NAV3: variants seen among roughly 807,000 people sequenced by gnomAD.
NAV3 encodes the protein pore membrane and/or filament interacting like protein 1.
In NAV3, 87 loss-of-function variants were observed where a neutral mutation model predicts 244.7. The ratio of observed to expected loss-of-function variants is 0.36; its 90% CI spans 0.30 to 0.42. NAV3 has a LOEUF of 0.42. Ranked by LOEUF, NAV3 falls within the 20% of genes least tolerant of loss-of-function variation. NAV3 has a pLI of 1.00. For missense variants in NAV3, 2,663 were observed against 2,893.3 expected (o/e 0.92, Z 1.83); for synonymous variants, 1,126 against 1,042.2 (o/e 1.08, Z -1.55).
chr12:77,591,822 C>A (rs1398011797), intron 2 of NAV3, among the ~76,000 whole-genome samples: 2 of 152,216 alleles, frequency 1.3e-5, no homozygotes, highest in East Asian at 3.9e-4. Context: ...CTAATGTATA[C>A]ATATATGTTT....
chr12:77,669,924 C>T (rs754625528), intron 2 of NAV3, among the ~76,000 whole-genome samples: 4 of 151,792 alleles, frequency 2.6e-5, no homozygotes, highest in African/African-American at 9.7e-5. Context: ...AAACCCAAAG[C>T]CAGCAGAAGA....
chr12:77,691,344 TATATATATATAC>T lies in NAV3; in HGVS notation c.72+119083_72+119094del, dbSNP rs1565774089. On this transcript the variant is annotated intron_variant, in intron 2 of 8. Coordinates refer to the NAV3 transcript ENST00000550042. Reference sequence around the variant, plus strand: ...AAGTATTTGTGTATGTGTGTATATATATATATATATACATATCCATTCTTGTACTTTTTCTGC... The same window carrying T: ...AAGTATTTGTGTATGTGTGTATATATATATCCATTCTTGTACTTTTTCTGC... Among the ~76,000 whole-genome samples, 20 of 134,688 alleles carry T rather than the reference TATATATATATAC, an allele frequency of 1.5e-4. 1 individual carries two copies. In the East Asian group the frequency reaches 1.6e-3, roughly 11 times the overall value. 88.4% of individuals were successfully genotyped at this position (134,688 alleles called of 152,430 possible).
At chr12:77,669,499 G>T (rs751514537) in intron 2 of NAV3, among the ~76,000 whole-genome samples, 7 of 152,014 alleles carry the variant, frequency 4.6e-5, no homozygotes, top group Admixed American at 4.6e-4. Context: ...AGGTAAAGGG[G>T]CAGAAAAAGG....
At chr12:78,170,013 G>A (rs10777802) in intron 24 of NAV3, among the ~76,000 whole-genome samples, 50,531 of 151,278 alleles carry the variant, frequency 0.33, 8,513 homozygotes, top group South Asian at 0.45. Flanking sequence ...ATGATTCTAT[G>A]CATCCTATTT....
chr12:78,037,356 C>T (rs1185496948), intron 9 of NAV3: 1 of 702,816 alleles, frequency 1.4e-6, no homozygotes, highest in Non-Finnish European at 2.6e-6. Flanking sequence ...GCTGGGTGAT[C>T]TAGAACAGGC....
At chr12:77,696,854 T>G (rs138455552) in intron 2 of NAV3, among the ~76,000 whole-genome samples, 1 of 152,286 alleles carries the variant, frequency 6.6e-6, no homozygotes, top group African/African-American at 2.4e-5. Flanking sequence ...TAACTTCTAC[T>G]TGGTTAAAGA....
chr12:77,776,423 C>G (rs549894467), intron 2 of NAV3, among the ~76,000 whole-genome samples: 1 of 152,286 alleles, frequency 6.6e-6, no homozygotes, highest in East Asian at 1.9e-4. Context: ...GCTGTAGTCC[C>G]TCTATAGGAA....
intron 2 of NAV3, among the ~76,000 whole-genome samples, chr12:77,765,445 G>A (rs575767222): frequency 1.4e-4 from 22 of 152,276 alleles, no homozygotes; most frequent in African/African-American, 4.1e-4. Context: ...AGAGAAGTCC[G>A]TTACAAAAGA....
At chr12:77,730,775 T>C (rs1281119658) in intron 2 of NAV3, among the ~76,000 whole-genome samples, 3 of 151,432 alleles carry the variant, frequency 2.0e-5, no homozygotes, top group African/African-American at 2.4e-5. Flanking sequence ...TTTTTCTTTT[T>C]TTTTTTTTTA....
At chr12:77,766,710 AG>A (rs1285309703) in intron 2 of NAV3, among the ~76,000 whole-genome samples, 1 of 142,192 alleles carries the variant, frequency 7.0e-6, no homozygotes, top group African/African-American at 2.7e-5. Context: ...TAAAAATTCT[AG>A]GATTCTAAAA....
At chr12:78,099,342 A>G (rs1262756401) in intron 12 of NAV3, among the ~76,000 whole-genome samples, 2 of 151,790 alleles carry the variant, frequency 1.3e-5, no homozygotes, top group Non-Finnish European at 3.0e-5. Flanking sequence ...TACAGATACT[A>G]TAATCAGCAG....
chr12:77,744,715 G>A (rs550447827), intron 2 of NAV3, among the ~76,000 whole-genome samples: 19 of 151,752 alleles, frequency 1.3e-4, no homozygotes, highest in African/African-American at 3.9e-4. Context: ...CAAACCTCCC[G>A]TAATGTTCTA....
chr12:77,623,372 G>A (rs1252680476), intron 2 of NAV3, among the ~76,000 whole-genome samples: 1 of 152,140 alleles, frequency 6.6e-6, no homozygotes, highest in Non-Finnish European at 1.5e-5. Context: ...GGCAACTCTG[G>A]TTTTGAATTG....
intron 7 of NAV3, among the ~76,000 whole-genome samples, chr12:77,999,835 A>G (rs1872937241): frequency 6.6e-6 from 1 of 152,150 alleles, no homozygotes; most frequent in African/African-American, 2.4e-5. Context: ...TCTAAAAAAT[A>G]TTATACAAGT....
At chr12:77,749,132 T>C (rs554313547) in intron 2 of NAV3, among the ~76,000 whole-genome samples, 43 of 152,342 alleles carry the variant, frequency 2.8e-4, no homozygotes, top group African/African-American at 1.0e-3. Context: ...TCTCCCACCT[T>C]AGTTTTACCC....
intron 2 of NAV3, among the ~76,000 whole-genome samples, chr12:77,615,948 A>G (rs1871129325): frequency 6.6e-6 from 1 of 152,214 alleles, no homozygotes; most frequent in African/African-American, 2.4e-5. Context: ...CATTATCCTC[A>G]TAAACTTTGT....
At chr12:78,177,459 T>G (rs1457291652) in intron 27 of NAV3, 146 bp downstream of exon 27, 8 of 1,156,192 alleles carry the variant, frequency 6.9e-6, no homozygotes, top group Non-Finnish European at 9.6e-6. Context: ...CTTTTCATAT[T>G]TCTCTTTCAC....
chr12:77,979,707 A>G (rs941103042), intron 5 of NAV3, among the ~76,000 whole-genome samples: 3 of 130,230 alleles, frequency 2.3e-5, no homozygotes, highest in African/African-American at 9.6e-5. Context: ...ACGAAAAAAA[A>G]AAAAGAAAAA....
At chr12:78,155,702 A>G (rs528842632) in intron 22 of NAV3, among the ~76,000 whole-genome samples, 2 of 152,246 alleles carry the variant, frequency 1.3e-5, no homozygotes, top group African/African-American at 4.8e-5. Flanking sequence ...AATAATCACC[A>G]TTCTGACTGC....
Sources: gnomAD v4.1 joint callset for allele counts (sites outside exome capture counted in the v4.1 genomes callset) on GRCh38, gnomAD v4.1.1 for gene constraint, MANE v1.5 for transcripts, NCBI Gene and HGNC (gene_info 2026-07-23, HGNC 2026-07-21) for gene names.